VASH2: variants seen among roughly 807,000 people sequenced by gnomAD.
The protein encoded by VASH2 is tubulinyl-Tyr carboxypeptidase 2.
Under a neutral mutation model 37.2 loss-of-function variants are expected in VASH2, and 28 were observed. The observed-to-expected ratio is 0.75, with a 90% confidence interval of 0.56 to 1.03. The LOEUF (loss-of-function observed/expected upper bound fraction) is 1.03, where lower values mean the gene tolerates loss of function less well. Among genes scored for constraint, VASH2 ranks in the 50% least tolerant of loss-of-function variants. The pLI is 0.00. For synonymous variants in VASH2, 188 were observed against 174.7 expected, an observed-to-expected ratio of 1.08 and a Z score of -0.60; for missense variants, 419 against 459.1, an observed-to-expected ratio of 0.91 and a Z score of 0.80.
rs755056252 is a variant in VASH2, at chr1:212,951,822, A to G, written c.276+4A>G. 5.6e-6 allele frequency: 9 copies of G among 1,599,860 alleles called. No homozygotes were observed. Among genetic ancestry groups the G allele is most frequent in the Non-Finnish European group, 7.7e-6 (9 of 1,176,432 alleles). On this transcript the variant is annotated splice_donor_region_variant and intron_variant, in intron 2 of 7. Transcript: ENST00000517399. This position sits in a 1 kb window ranked among gnomAD's most constrained non-coding sequence, Gnocchi z 4.4. ...GAACGCCGCCTTCTTGGCAAAGGTC[A>G]GTGGCTTCCAGGGCGGAGTTGGGGG...
At chr1:212,966,395 A>G (rs1388671845) in intron 5 of VASH2, 50 bp downstream of exon 5, 1 of 1,467,968 alleles carries the variant, frequency 6.8e-7, no homozygotes, top group African/African-American at 1.4e-5. Flanking sequence ...TGGCGGCTTC[A>G]CAATGGGGCT....
chr1:212,951,315 C>A lies in VASH2; in HGVS notation c.-204-24C>A. The A allele has an allele frequency of 6.4e-6, 1 of 157,286 alleles. No individual in the cohort carries two copies. Among genetic ancestry groups the A allele is most frequent in the South Asian group, 1.9e-4 (1 of 5,402 alleles). 9.7% of individuals were successfully genotyped at this position (157,286 alleles called of 1,614,324 possible). A position where few individuals can be genotyped will look rare whatever the true frequency, so the allele number is the denominator to read the frequency against. ...CTGTGCGTCCACTTAGCTGTGGTGT[C>A]AGCTGTGTCTCCGCTGATTTCAGGC... On this transcript the variant is annotated intron_variant, in intron 1 of 7. Coordinates refer to ENST00000517399, the MANE Select transcript of VASH2 (RefSeq NM_001301056.2). The surrounding 1 kb of genome is among the most constrained non-coding windows in gnomAD (Gnocchi z 4.4).
Position 212,974,084 on chromosome 1 carries a change from C to T in VASH2, c.995+14C>T, listed in dbSNP as rs777591832. On this transcript the variant is annotated intron_variant, in intron 7 of 7. Coordinates refer to ENST00000517399, the MANE Select transcript of VASH2 (RefSeq NM_001301056.2). ...GCGAGAGAAGTCGTGAGTAATATTT[C>T]CTCTTCCCCAACTCAAAGCCCAACA... 1 of 1,604,344 alleles carries T rather than the reference C, an allele frequency of 6.2e-7. No homozygotes were observed. Among genetic ancestry groups the T allele is most frequent in the Admixed American group, 1.7e-5 (1 of 59,224 alleles).
chr1:212,972,759 G>T lies in VASH2; in HGVS notation c.677G>T (p.Ser226Ile). ...AAGCCATTGACTTTTCGGACTCTGA[G>T]TGACCTCATCTTTGACTTTGAGGAC... is the stretch of plus-strand genomic sequence containing the variant. ...MDKPLTFRTL[S>I]DLIFDFEDSY... Residue 226 changes from serine (S) to isoleucine (I), a missense_variant, in exon 6 of 8, where the codon AGT becomes ATT. Ser to Ile is a moderately radical substitution (Grantham distance 142, BLOSUM62 -2). Around this residue, in one of 3 missense-constraint regions of VASH2, gnomAD observed 177 missense variants for 166.2 expected, o/e 1.06. Coordinates refer to ENST00000517399, the MANE Select transcript of VASH2 (RefSeq NM_001301056.2). The T allele has an allele frequency of 1.2e-6, 2 of 1,614,218 alleles. No homozygotes were observed. The highest frequency in any genetic ancestry group is 1.7e-6 in the Non-Finnish European group (2 of 1,180,036).
chr1:212,967,310 T>G, intron 5 of VASH2: 1 of 1,246,414 alleles, frequency 8.0e-7, no homozygotes. Context: ...ATCATGCCAT[T>G]GGAATCACCC....
intron 2 of VASH2, among the ~76,000 whole-genome samples, chr1:212,955,744 C>A (rs775223533): frequency 6.6e-6 from 1 of 152,194 alleles, no homozygotes; most frequent in East Asian, 1.9e-4. Context: ...CCGAGCTTCA[C>A]CTGAGTGAAG....
At chr1:212,964,546 A>G (rs915181694) in intron 3 of VASH2, among the ~76,000 whole-genome samples, 2 of 152,214 alleles carry the variant, frequency 1.3e-5, no homozygotes, top group African/African-American at 4.8e-5. Context: ...GGAACTCTCC[A>G]TCTCCTTCAG....
At chr1:212,985,494 A>T (rs1667453477) in intron 7 of VASH2, among the ~76,000 whole-genome samples, 1 of 147,274 alleles carries the variant, frequency 6.8e-6, no homozygotes, top group Admixed American at 6.9e-5. Flanking sequence ...ATCTTGGCTC[A>T]CTGCAACCTC....
At chr1:212,979,673 G>C (rs536648052) in intron 7 of VASH2, among the ~76,000 whole-genome samples, 1 of 152,282 alleles carries the variant, frequency 6.6e-6, no homozygotes, top group African/African-American at 2.4e-5. Flanking sequence ...TCAGCCGAGG[G>C]GGAGGGCAGG....
At chr1:212,981,403 C>T (rs1667334275) in intron 7 of VASH2, among the ~76,000 whole-genome samples, 1 of 152,172 alleles carries the variant, frequency 6.6e-6, no homozygotes, top group South Asian at 2.1e-4. Flanking sequence ...TCCCTGTGTC[C>T]GTCCAGCTGA....
rs1187881687 is a variant in VASH2 at position 212,951,251 on chromosome 1, G to A, written c.-204-88G>A. 1 of 152,762 alleles carries A rather than the reference G, an allele frequency of 6.5e-6. No individual in the cohort carries two copies. The highest frequency in any genetic ancestry group is 1.5e-5 in the Non-Finnish European group (1 of 68,456). The allele number at this position is 152,762 out of a possible 1,614,324, so 9.5% of individuals were successfully genotyped here. ...GTCAGCGTGCAGGGGGGAGCGGGGAGTGTCGTGGAGACACTCCGGGACCCC... is the reference window on the plus strand; with the variant it reads ...GTCAGCGTGCAGGGGGGAGCGGGGAATGTCGTGGAGACACTCCGGGACCCC... On this transcript the variant is annotated intron_variant, in intron 1 of 7. Coordinates refer to ENST00000517399, the MANE Select transcript of VASH2 (RefSeq NM_001301056.2). The surrounding 1 kb of genome is among the most constrained non-coding windows in gnomAD (Gnocchi z 4.4).
intron 3 of VASH2, 59 bp from the exon 4 acceptor site, chr1:212,965,663 G>A: frequency 6.9e-7 from 1 of 1,450,020 alleles, no homozygotes; most frequent in African/African-American, 1.4e-5. Flanking sequence ...AGCTTTCTCT[G>A]CCACATTACT....
At position 212,970,248 on chromosome 1, in the gene VASH2, C is replaced by G. The variant is rs142007938; in HGVS notation, c.498-2332C>G. Among the ~76,000 whole-genome samples, 23 of 152,338 alleles carry G rather than the reference C, an allele frequency of 1.5e-4. No individual in the cohort carries two copies. The East Asian group carries it at 4.4e-3, about 29-fold the overall frequency. On this transcript the variant is annotated intron_variant, in intron 5 of 7. Coordinates refer to ENST00000517399, the MANE Select transcript of VASH2 (RefSeq NM_001301056.2). ...TGCCTCCATACTACCTCGCCACCTC[C>G]CTCTCCATTCCCAGTTGCTCCAGGT...
intron 7 of VASH2, among the ~76,000 whole-genome samples, chr1:212,981,684 G>C (rs935857855): frequency 1.3e-5 from 2 of 152,206 alleles, no homozygotes; most frequent in Non-Finnish European, 2.9e-5. Flanking sequence ...TCTGGCCTTT[G>C]TGTTTCTGTG....
At chr1:212,988,488 CAT>C in intron 7 of VASH2, 22 bp from the exon 8 acceptor site, 1 of 1,612,946 alleles carries the variant, frequency 6.2e-7, no homozygotes, top group Non-Finnish European at 8.5e-7. Context: ...TCTCCTCCAC[CAT>C]ATTTCTGTCT....
At chr1:212,969,191 CTTCTT>C in intron 5 of VASH2, 6 of 967,014 alleles carry the variant, frequency 6.2e-6, no homozygotes, top group Non-Finnish European at 7.3e-6. Flanking sequence ...CCGAATTCTT[CTTCTT>C]TTTTTTTTTT....
intron 5 of VASH2, chr1:212,968,475 C>T: frequency 3.0e-6 from 3 of 985,484 alleles, no homozygotes; most frequent in Non-Finnish European, 3.6e-6. Context: ...AGGAGAATCT[C>T]TGTGCCTCTC....
chr1:212,951,491 C>A lies in VASH2; in HGVS notation c.-52C>A. On this transcript the variant is annotated 5_prime_UTR_variant, in exon 2 of 8. Coordinates refer to ENST00000517399, the MANE Select transcript of VASH2 (RefSeq NM_001301056.2). The surrounding 1 kb of genome is among the most constrained non-coding windows in gnomAD (Gnocchi z 4.4). ...CGCACACGCCCCCCGCCGCCGCCGCCGCTGCCGCCGCCGCGCGCCCCCAGT... is the reference window on the plus strand; with the variant it reads ...CGCACACGCCCCCCGCCGCCGCCGCAGCTGCCGCCGCCGCGCGCCCCCAGT... The A allele has an allele frequency of 8.6e-7, 1 of 1,166,430 alleles. No individual in the cohort carries two copies. Among genetic ancestry groups the A allele is most frequent in the Non-Finnish European group, 1.1e-6 (1 of 941,496 alleles). The allele number at this position is 1,166,430 out of a possible 1,614,324, so 72.3% of individuals were successfully genotyped here.
chr1:212,972,612 G>T lies in VASH2; in HGVS notation c.530G>T (p.Arg177Leu). 2 of 1,614,070 alleles carry T rather than the reference G, an allele frequency of 1.2e-6. No homozygotes were observed. Among genetic ancestry groups the T allele is most frequent in the Non-Finnish European group, 1.7e-6 (2 of 1,180,020 alleles). The change falls in exon 6 of 8, where the codon CGG becomes CTG. Residue 177 changes from arginine to leucine, a missense_variant. This residue lies in a region of VASH2 where 84 missense variants were observed against 129.9 expected (regional missense o/e 0.65). Coordinates refer to ENST00000517399, the MANE Select transcript of VASH2 (RefSeq NM_001301056.2). Reference protein sequence around the residue: ...YLTNGQPSIERFPISFKTYFS... With the variant: ...YLTNGQPSIELFPISFKTYFS... ...ACCAATGGGCAGCCTTCCATTGAGC[G>T]GTTCCCCATCAGCTTTAAAACCTAC...
Sources: allele counts gnomAD v4.1 joint callset (sites outside exome capture counted in the v4.1 genomes callset), GRCh38; gene constraint gnomAD v4.1.1; regional missense constraint gnomAD v4.1.1; non-coding constraint Gnocchi (gnomAD v3.1); transcripts MANE v1.5; gene names NCBI Gene and HGNC (gene_info 2026-07-23, HGNC 2026-07-21).